Variants in KIF6 observed in about 807,000 individuals in gnomAD.
The protein encoded by KIF6 is kinesin-like protein KIF6.
A neutral mutation model predicts 112.7 loss-of-function variants in KIF6; 106 were observed. That is an observed-to-expected ratio of 0.94 (90% CI 0.80 to 1.11). The LOEUF (loss-of-function observed/expected upper bound fraction) is 1.11. KIF6 is among the 50% of genes least tolerant of loss of function. The pLI is 0.00. For missense variants in KIF6, 929 were observed against 964.0 expected (o/e 0.96, Z 0.48); for synonymous variants, 339 against 339.9 (o/e 1.00, Z 0.03).
chr6:39,655,131 A>T (rs1261729615), intron 3 of KIF6, among the ~76,000 whole-genome samples: 1 of 152,172 alleles, frequency 6.6e-6, no homozygotes, highest in Non-Finnish European at 1.5e-5. Flanking sequence ...TTATTTTGCC[A>T]ATTTGATGAA....
At chr6:39,387,221 C>T (rs890668271) in intron 15 of KIF6, among the ~76,000 whole-genome samples, 6 of 152,176 alleles carry the variant, frequency 3.9e-5, no homozygotes, top group Non-Finnish European at 8.8e-5. Context: ...ATCTGCTTCC[C>T]TATAATCTTC....
intron 18 of KIF6, among the ~76,000 whole-genome samples, chr6:39,359,494 G>T (rs367650365): frequency 1.3e-5 from 2 of 152,116 alleles, no homozygotes; most frequent in African/African-American, 2.4e-5. Flanking sequence ...TTAAAACAAC[G>T]CTGTAGGATA....
At chr6:39,588,252 T>A (rs1781742742) in intron 7 of KIF6, among the ~76,000 whole-genome samples, 2 of 152,174 alleles carry the variant, frequency 1.3e-5, no homozygotes, top group African/African-American at 4.8e-5. Flanking sequence ...AGTCTTGCTC[T>A]GTTAATGCTG....
chr6:39,530,687 A>G (rs1218837481), intron 13 of KIF6, among the ~76,000 whole-genome samples: 2 of 152,156 alleles, frequency 1.3e-5, no homozygotes, highest in Non-Finnish European at 1.5e-5. Flanking sequence ...GTGGAGGTGA[A>G]TGGGAAATGA....
At chr6:39,351,723 CAGT>C (rs1299253393) in intron 19 of KIF6, among the ~76,000 whole-genome samples, 1 of 152,110 alleles carries the variant, frequency 6.6e-6, no homozygotes, top group Non-Finnish European at 1.5e-5. Flanking sequence ...ATATTGCTAC[CAGT>C]AGAAGCTACC....
chr6:39,484,381 T>A (rs991015522), intron 13 of KIF6, among the ~76,000 whole-genome samples: 2 of 152,126 alleles, frequency 1.3e-5, no homozygotes, highest in African/African-American at 4.8e-5. Context: ...CATGAAGATG[T>A]AATATGATAA....
intron 10 of KIF6, among the ~76,000 whole-genome samples, chr6:39,572,286 T>C (rs926964563): frequency 6.6e-6 from 1 of 152,230 alleles, no homozygotes; most frequent in Non-Finnish European, 1.5e-5. Flanking sequence ...TATATATACA[T>C]ATACATGTGT....
rs554712983 is a variant in KIF6 at position 39,343,579 on chromosome 6, C to T, written c.2428+130G>A. On this transcript the variant is annotated intron_variant, in intron 22 of 22. Coordinates refer to ENST00000287152, the MANE Select transcript of KIF6 (RefSeq NM_145027.6). This position sits in a 1 kb window ranked among gnomAD's most constrained non-coding sequence, Gnocchi z 4.1. ...TCAGAGGCTGGGCACATGTGACTGA[C>T]AGGCAGGCCAGTCCTGTGGCTTCAG... 12 of 1,163,404 alleles carry T rather than the reference C, an allele frequency of 1.0e-5. No homozygotes were observed. The highest frequency in any genetic ancestry group is 1.5e-5 in the South Asian group (1 of 65,272). The allele number at this position is 1,163,404 out of a possible 1,614,324, so 72.1% of individuals were successfully genotyped here.
intron 13 of KIF6, among the ~76,000 whole-genome samples, chr6:39,496,020 C>T (rs567147898): frequency 2.0e-5 from 3 of 152,344 alleles, no homozygotes; most frequent in Non-Finnish European, 2.9e-5. Context: ...ACTTGAGCTA[C>T]ATCTTCAAAA....
chr6:39,613,621 G>T (rs1478036997), intron 5 of KIF6, among the ~76,000 whole-genome samples: 2 of 152,132 alleles, frequency 1.3e-5, no homozygotes, highest in East Asian at 3.9e-4. Context: ...TAAAAATACA[G>T]ATAATAATTT....
At chr6:39,640,134 C>T (rs1784830332) in intron 3 of KIF6, among the ~76,000 whole-genome samples, 1 of 152,088 alleles carries the variant, frequency 6.6e-6, no homozygotes, top group African/African-American at 2.4e-5. Flanking sequence ...TAAACACTCA[C>T]AATAGTAGTT....
intron 4 of KIF6, among the ~76,000 whole-genome samples, chr6:39,637,148 C>A (rs1255466350): frequency 1.3e-5 from 2 of 151,958 alleles, no homozygotes; most frequent in Non-Finnish European, 2.9e-5. Flanking sequence ...GGACAGCCAA[C>A]TTGTATGTTT....
At position 39,456,801 on chromosome 6, in the gene KIF6, A is replaced by T. The variant is rs1193805440; in HGVS notation, c.1646-25640T>A. Among the ~76,000 whole-genome samples, 4 of 134,596 alleles carry T rather than the reference A, an allele frequency of 3.0e-5. No individual in the cohort carries two copies. The Admixed American group carries it at 3.1e-4, about 10-fold the overall frequency. The allele number at this position is 134,596 out of a possible 152,430, so 88.3% of individuals were successfully genotyped here. On this transcript the variant is annotated intron_variant, in intron 13 of 22. Coordinates refer to ENST00000287152, the MANE Select transcript of KIF6 (RefSeq NM_145027.6). Reference sequence around the variant, plus strand: ...GCCATTACATAATGGTAAAGGGATCAATTCAACAAGAGGAGCTAACTATCC... The same window carrying T: ...GCCATTACATAATGGTAAAGGGATCTATTCAACAAGAGGAGCTAACTATCC...
intron 16 of KIF6, among the ~76,000 whole-genome samples, chr6:39,375,817 A>C (rs527712384): frequency 6.6e-6 from 1 of 152,222 alleles, no homozygotes; most frequent in Non-Finnish European, 1.5e-5. Flanking sequence ...GGTTCTGCTT[A>C]TCTGGACAAC....
At chr6:39,502,957 C>A (rs1013046686) in intron 13 of KIF6, among the ~76,000 whole-genome samples, 6 of 152,136 alleles carry the variant, frequency 3.9e-5, no homozygotes. Context: ...CAAAGATATT[C>A]AGGACCTCAA....
At chr6:39,630,657 C>T (rs757503560) in intron 5 of KIF6, among the ~76,000 whole-genome samples, 2 of 151,940 alleles carry the variant, frequency 1.3e-5, no homozygotes, top group Non-Finnish European at 2.9e-5. Context: ...TTCCCAATAA[C>T]TTTAATTTCT....
At chr6:39,703,703 G>T (rs1789017328) in intron 3 of KIF6, among the ~76,000 whole-genome samples, 1 of 152,162 alleles carries the variant, frequency 6.6e-6, no homozygotes, top group Admixed American at 6.5e-5. Flanking sequence ...ACTTTTAAAT[G>T]AAGATATTTA....
chr6:39,624,306 AT>A (rs1445021932), intron 5 of KIF6, among the ~76,000 whole-genome samples: 1 of 152,210 alleles, frequency 6.6e-6, no homozygotes, highest in Non-Finnish European at 1.5e-5. Flanking sequence ...TTCTTGCAAT[AT>A]GGTAAATTGT....
At chr6:39,565,776 C>T (rs964380474) in intron 10 of KIF6, among the ~76,000 whole-genome samples, 1 of 152,286 alleles carries the variant, frequency 6.6e-6, no homozygotes, top group African/African-American at 2.4e-5. Context: ...TTTCATAAAA[C>T]ATTTGAGTAT....
Sources: allele counts gnomAD v4.1 joint callset (sites outside exome capture counted in the v4.1 genomes callset), GRCh38; gene constraint gnomAD v4.1.1; non-coding constraint Gnocchi (gnomAD v3.1); transcripts MANE v1.5; gene names NCBI Gene and HGNC (gene_info 2026-07-23, HGNC 2026-07-21).